The following BDP1 variants were observed in gnomAD, a reference collection of about 807,000 sequenced individuals.
The protein encoded by BDP1 is BDP1 general transcription factor IIIB subunit.
Under a neutral mutation model 266.6 loss-of-function variants are expected in BDP1, and 169 were observed. The observed-to-expected ratio is 0.63, with a 90% confidence interval of 0.56 to 0.72. BDP1 has a LOEUF of 0.72. Ranked by LOEUF, BDP1 falls within the 30% of genes least tolerant of loss-of-function variation. BDP1 has a pLI of 0.00. For synonymous variants in BDP1, 1,090 were observed against 1,022.4 expected, an observed-to-expected ratio of 1.07 and a Z score of -1.26; for missense variants, 3,015 against 3,053.8, an observed-to-expected ratio of 0.99 and a Z score of 0.30.
chr5:71,553,198 G>A lies in BDP1; in HGVS notation c.7078G>A (p.Asp2360Asn), dbSNP rs749148647. ...AAGAGATAATTCTAAAAAGCCGCCT[G>A]ATAATTTGGATCTTGTATCTAGGAA... ...SGRDNSKKPPDNLDLVSRKRF... is the reference protein window; with the variant it reads ...SGRDNSKKPPNNLDLVSRKRF... The change falls in exon 35 of 39, where the codon GAT (aspartate) becomes AAT (asparagine). Residue 2360 changes from aspartate to asparagine, a missense_variant. By Grantham distance (23) the Asp-to-Asn change is conservative (BLOSUM62 1). Transcript: ENST00000358731. 1 of 1,613,304 alleles carries A rather than the reference G, an allele frequency of 6.2e-7. No homozygotes were observed. Among genetic ancestry groups the A allele is most frequent in the Non-Finnish European group, 8.5e-7 (1 of 1,179,868 alleles).
Position 71,517,462 on chromosome 5 carries a change from C to T in BDP1, c.4991+10C>T. ...CAAATGAAACAATCAGGTGAGTTTG[C>T]TTTTAATGAGAAAAAATAAGACTTT... On this transcript the variant is annotated intron_variant, in intron 22 of 38. Coordinates refer to ENST00000358731, the MANE Select transcript of BDP1 (RefSeq NM_018429.3). The T allele has an allele frequency of 6.5e-7, 1 of 1,544,200 alleles. No individual in the cohort carries two copies.
In BDP1 at chr5:71,489,610, G is replaced by A. The variant is rs562013754; in HGVS notation, c.1420G>A (p.Glu474Lys). 6.2e-7 allele frequency: 1 copy of A among 1,614,086 alleles called. No individual in the cohort carries two copies. The highest frequency in any genetic ancestry group is 8.5e-7 in the Non-Finnish European group (1 of 1,179,966). ...GAGGAAGAAGCAAGATGGAGCTAAT[G>A]AACTGGGAGTAAACAATCTTTTAGA... ...RRRKKQDGAN[E>K]LGVNNLLENA... Residue 474 changes from glutamate (E) to lysine (K), a missense_variant, in exon 10 of 39, where the codon GAA becomes AAA. Glu to Lys is a moderately conservative substitution (Grantham distance 56). This residue lies in a region of BDP1 where 2,383 missense variants were observed against 2,404.9 expected (regional missense o/e 0.99). Transcript: ENST00000358731.
chr5:71,500,486 C>T (rs547751599), intron 13 of BDP1, among the ~76,000 whole-genome samples: 5 of 151,826 alleles, frequency 3.3e-5, no homozygotes, highest in South Asian at 2.1e-4. Flanking sequence ...CCACCATGCC[C>T]GGCTAATTTT....
At chr5:71,505,550 A>G (rs1397533944) in intron 16 of BDP1, among the ~76,000 whole-genome samples, 1 of 152,150 alleles carries the variant, frequency 6.6e-6, no homozygotes, top group Admixed American at 6.5e-5. Context: ...CTGGTATACT[A>G]TTTCAACTTT....
Position 71,503,856 on chromosome 5 carries a change from A to C in BDP1, c.2242-765A>C, listed in dbSNP as rs563821911. On this transcript the variant is annotated intron_variant, in intron 15 of 38. Transcript: ENST00000358731. The stretch of plus-strand genomic sequence containing the variant: ...CTTGGTGGTGTGCTCCTATAGTCCC[A>C]GCTACTTGGGAGGCTGAGGCAGGAG... Among the ~76,000 whole-genome samples the C allele has an allele frequency of 1.4e-3, 213 of 152,208 alleles. 1 individual carries two copies. Among genetic ancestry groups the C allele is most frequent in the Admixed American group, 3.1e-3 (48 of 15,272 alleles).
rs975573066 is a variant in BDP1 at position 71,483,914 on chromosome 5, T to C, written c.1069+18T>C. ...AGCATTCCGTAAGTATTAAGACCTC[T>C]TTTACAAAGTATTACTTGAAGAGCC... On this transcript the variant is annotated intron_variant, in intron 8 of 38. Transcript: ENST00000358731. 6.3e-7 allele frequency: 1 copy of C among 1,579,132 alleles called. No homozygotes were observed. The highest frequency in any genetic ancestry group is 8.7e-7 in the Non-Finnish European group (1 of 1,152,698).
At position 71,545,032 on chromosome 5, in the gene BDP1, C is replaced by A; in HGVS notation, c.6564-7C>A. 1 of 1,612,600 alleles carries A rather than the reference C, an allele frequency of 6.2e-7. No individual in the cohort carries two copies. The highest frequency in any genetic ancestry group is 1.3e-5 in the African/African-American group (1 of 74,940). On this transcript the variant is annotated splice_region_variant and splice_polypyrimidine_tract_variant and intron_variant, in intron 31 of 38. Coordinates refer to ENST00000358731, the MANE Select transcript of BDP1 (RefSeq NM_018429.3). ...TCAAATGACATGCATGCTAAACTCT[C>A]TTTCAGAAACGAAAATCAAGAAGAG... is the stretch of plus-strand genomic sequence containing the variant.
chr5:71,481,128 C>T (rs929803891), intron 7 of BDP1, among the ~76,000 whole-genome samples: 52 of 151,360 alleles, frequency 3.4e-4, no homozygotes, highest in African/African-American at 9.7e-4. Context: ...GAGCTGAGAT[C>T]GCGCCACTGC....
chr5:71,470,300 G>C, intron 6 of BDP1, 95 bp from the exon 7 acceptor site: 1 of 903,854 alleles, frequency 1.1e-6, no homozygotes, highest in Non-Finnish European at 1.7e-6. Flanking sequence ...GATCTTTCTA[G>C]TAAAATTAAG....
intron 25 of BDP1, among the ~76,000 whole-genome samples, chr5:71,526,499 C>T (rs1765885696): frequency 6.6e-6 from 1 of 150,378 alleles, no homozygotes; most frequent in Non-Finnish European, 1.5e-5. Context: ...GCCTGTAGTC[C>T]CAGCTACTGG....
intron 7 of BDP1, chr5:71,475,971 C>T (rs974313660): frequency 6.5e-6 from 1 of 152,680 alleles, no homozygotes; most frequent in Non-Finnish European, 1.5e-5. Flanking sequence ...TTTACCTCCA[C>T]CACTAGGTGG....
At position 71,495,306 on chromosome 5, in the gene BDP1, A is replaced by C. The variant is rs778662244; in HGVS notation, c.1697A>C (p.Asp566Ala). ...GAGTCTTCAGAATCAAGCACTTCAG[A>C]TTTGCCTTCATTCGAAGTTGGAATT... The part of the protein sequence containing the change: ...ATESSESSTS[D>A]LPSFEVGIRA... The change falls in exon 12 of 39, where the codon GAT (aspartate) becomes GCT (alanine). Residue 566 changes from aspartate (D) to alanine (A), a missense_variant. By Grantham distance (126) the Asp-to-Ala change is moderately radical (BLOSUM62 -2). Transcript: ENST00000358731. 6.2e-7 allele frequency: 1 copy of C among 1,607,184 alleles called. No individual in the cohort carries two copies. Among genetic ancestry groups the C allele is most frequent in the Admixed American group, 1.7e-5 (1 of 59,710 alleles).
In BDP1 at chr5:71,522,484, T is replaced by A. The variant is rs749214611; in HGVS notation, c.5187T>A (p.Leu1729=). The A allele has an allele frequency of 6.3e-6, 10 of 1,577,370 alleles. No homozygotes were observed. The highest frequency in any genetic ancestry group is 8.5e-6 in the Non-Finnish European group (10 of 1,169,844). ...AAGGAGCTTCCAACACCCAGCTCCT[T>A]CTAAAAGTAAGTTTGGGCAAAAAAA... ...LQKGASNTQL[L]LKEKAELLTS... The change falls in exon 23 of 39, where the codon CTT becomes CTA. Residue 1729 remains leucine, a synonymous_variant. Coordinates refer to ENST00000358731, the MANE Select transcript of BDP1 (RefSeq NM_018429.3).
chr5:71,507,858 C>T (rs1764667679), intron 16 of BDP1, among the ~76,000 whole-genome samples: 1 of 152,184 alleles, frequency 6.6e-6, no homozygotes, highest in East Asian at 1.9e-4. Flanking sequence ...TCCTAAGGAC[C>T]TGTCTTACAG....
Position 71,514,950 on chromosome 5 carries a change from G to T in BDP1, c.4477G>T (p.Ala1493Ser). ...TTTTTTTTCTGTCTTCTAGGATGAA[G>T]CTTCCCTAATGATATCAAGAGAAAA... is the stretch of plus-strand genomic sequence containing the variant. ...TDTLPSQHDE[A>S]SLMISREKDT... Residue 1493 changes from alanine (A) to serine (S), a missense_variant, in exon 20 of 39, where the codon GCT (alanine) becomes TCT (serine). Ala to Ser is a moderately conservative substitution (Grantham distance 99). Coordinates refer to ENST00000358731, the MANE Select transcript of BDP1 (RefSeq NM_018429.3). The T allele has an allele frequency of 1.9e-6, 3 of 1,597,010 alleles. No homozygotes were observed. Among genetic ancestry groups the T allele is most frequent in the Middle Eastern group, 1.7e-4 (1 of 6,014 alleles).
At chr5:71,474,801 T>G (rs1353321447) in intron 7 of BDP1, among the ~76,000 whole-genome samples, 1 of 150,688 alleles carries the variant, frequency 6.6e-6, no homozygotes, top group Non-Finnish European at 1.5e-5. Flanking sequence ...GAACCGAAAT[T>G]GCATCACTGC....
intron 13 of BDP1, among the ~76,000 whole-genome samples, chr5:71,499,345 G>A (rs1426310493): frequency 2.0e-5 from 3 of 152,126 alleles, no homozygotes; most frequent in Non-Finnish European, 4.4e-5. Flanking sequence ...AGCTGACCAC[G>A]GTGGCACACA....
Position 71,515,734 on chromosome 5 carries a change from ACTTT to A in BDP1, c.4650-322_4650-319del, listed in dbSNP as rs535408691. ...CGTTGCCACCACCATTCATCTCTAGACTTTCTTTTTCATCTTCATAAAATGAAAC... is the reference window on the plus strand; with the variant it reads ...CGTTGCCACCACCATTCATCTCTAGACTTTTTCATCTTCATAAAATGAAAC... On this transcript the variant is annotated intron_variant, in intron 20 of 38. Transcript: ENST00000358731. 2.9e-3 allele frequency among the ~76,000 whole-genome samples: 441 copies of A among 152,172 alleles called. 3 individuals are homozygous for A. The highest frequency in any genetic ancestry group is 9.9e-3 in the African/African-American group (413 of 41,518).
chr5:71,509,420 A>G, intron 16 of BDP1, 45 bp from the exon 17 acceptor site: 1 of 1,498,280 alleles, frequency 6.7e-7, no homozygotes, highest in South Asian at 1.5e-5. Flanking sequence ...TTCAGCAGGC[A>G]GTCTGGTTTA....
Sources: gnomAD v4.1 joint callset for allele counts (sites outside exome capture counted in the v4.1 genomes callset) on GRCh38, gnomAD v4.1.1 for gene constraint, gnomAD v4.1.1 regional missense constraint, MANE v1.5 for transcripts, NCBI Gene and HGNC (gene_info 2026-07-23, HGNC 2026-07-21) for gene names.